UMAD1: variants seen among roughly 807,000 people sequenced by gnomAD.
UMAD1 encodes UBAP1-MVB12-associated (UMA) domain containing 1, also known as UBAP1-MVB12-associated (UMA)-domain containing protein 1.
In UMAD1, 8 loss-of-function variants were observed where a neutral mutation model predicts 6.1. The ratio of observed to expected loss-of-function variants is 1.30; its 90% CI spans 0.76 to 2.35. UMAD1 has a LOEUF of 2.35. Ranked by LOEUF, UMAD1 falls within the 30% of genes most tolerant of loss-of-function variation. The pLI, the probability that UMAD1 is intolerant of heterozygous loss-of-function variation, is 0.00. For synonymous variants in UMAD1, 56 were observed against 31.4 expected, an observed-to-expected ratio of 1.78 and a Z score of -2.61; for missense variants, 130 against 78.4, an observed-to-expected ratio of 1.66 and a Z score of -2.49.
intron 2 of UMAD1, among the ~76,000 whole-genome samples, chr7:7,767,919 G>GA (rs1182732691): frequency 6.6e-6 from 1 of 152,124 alleles, no homozygotes; most frequent in East Asian, 1.9e-4. Context: ...TTCATTCTAG[G>GA]AATTAGCTGT....
intron 2 of UMAD1, among the ~76,000 whole-genome samples, chr7:7,754,910 G>T (rs1219565520): frequency 1.3e-5 from 2 of 151,898 alleles, no homozygotes; most frequent in South Asian, 4.2e-4. Context: ...ACATCTTTTC[G>T]CAGCAACTTA....
intron 2 of UMAD1, among the ~76,000 whole-genome samples, chr7:7,795,956 C>T (rs924205984): frequency 6.6e-6 from 1 of 152,046 alleles, no homozygotes; most frequent in African/African-American, 2.4e-5. Context: ...GGATGTGGCC[C>T]AGCAGGTCTA....
chr7:7,717,063 T>TC (rs1780931011), intron 2 of UMAD1, among the ~76,000 whole-genome samples: 1 of 149,914 alleles, frequency 6.7e-6, no homozygotes, highest in African/African-American at 2.5e-5. Context: ...TTTTTTTCTT[T>TC]TTTTTTTTTT....
chr7:7,818,179 A>G (rs1357964917), intron 3 of UMAD1, among the ~76,000 whole-genome samples: 3 of 151,854 alleles, frequency 2.0e-5, no homozygotes, highest in East Asian at 1.9e-4. Context: ...GTTCCCCTCT[A>G]TGTGTCTGTG....
At chr7:7,805,324 C>T (rs7793050) in intron 3 of UMAD1, among the ~76,000 whole-genome samples, 28,827 of 144,684 alleles carry the variant, frequency 0.2, 3,219 homozygotes, top group South Asian at 0.33. Flanking sequence ...TATCACCACC[C>T]TATATCTATA....
chr7:7,818,837 A>G (rs995353571), intron 3 of UMAD1, among the ~76,000 whole-genome samples: 4 of 152,140 alleles, frequency 2.6e-5, no homozygotes, highest in African/African-American at 7.2e-5. Flanking sequence ...GGGTTTTGCT[A>G]TGTTGCCCAT....
chr7:7,847,101 AAAAATAT>A (rs1328023786), intron 3 of UMAD1, among the ~76,000 whole-genome samples: 8 of 32,172 alleles, frequency 2.5e-4, no homozygotes, highest in Non-Finnish European at 3.4e-4. Context: ...AAAAAAAAAA[AAAAATAT>A]ATATATATAT....
intron 3 of UMAD1, among the ~76,000 whole-genome samples, chr7:7,837,268 G>A (rs1783589204): frequency 6.6e-6 from 1 of 152,058 alleles, no homozygotes; most frequent in African/African-American, 2.4e-5. Flanking sequence ...AAACCTGAGT[G>A]AATATGCAGC....
At chr7:7,676,300 A>G (rs1779737532) in intron 2 of UMAD1, 1 of 395,528 alleles carries the variant, frequency 2.5e-6, no homozygotes. Context: ...GGAATAAATG[A>G]GTTAATGTGT....
chr7:7,822,243 A>T (rs574367776), intron 3 of UMAD1, among the ~76,000 whole-genome samples: 19 of 152,262 alleles, frequency 1.2e-4, no homozygotes, highest in Non-Finnish European at 2.1e-4. Context: ...GTGAAGTCAC[A>T]CTGTATGAAA....
intron 2 of UMAD1, among the ~76,000 whole-genome samples, chr7:7,784,587 C>T (rs1043717064): frequency 2.0e-5 from 3 of 151,584 alleles, no homozygotes; most frequent in Non-Finnish European, 4.4e-5. Context: ...CCTCGTGATC[C>T]GCCCTCCTCG....
chr7:7,715,207 C>T (rs1336866480), intron 2 of UMAD1: 2 of 152,196 alleles, frequency 1.3e-5, no homozygotes, highest in African/African-American at 4.8e-5. Flanking sequence ...GCATTGTCTT[C>T]ACATCCTTTT....
intron 2 of UMAD1, among the ~76,000 whole-genome samples, chr7:7,777,925 G>T (rs1283206865): frequency 6.6e-6 from 1 of 152,028 alleles, no homozygotes; most frequent in Non-Finnish European, 1.5e-5. Context: ...GCTGTGTTAG[G>T]CTTCCTTGCC....
At chr7:7,869,010 T>G (rs1784287192) in intron 3 of UMAD1, among the ~76,000 whole-genome samples, 1 of 152,212 alleles carries the variant, frequency 6.6e-6, no homozygotes, top group African/African-American at 2.4e-5. Flanking sequence ...GCCGTTGCAA[T>G]ATGATTTCTC....
At chr7:7,771,232 A>G (rs1255464026) in intron 2 of UMAD1, among the ~76,000 whole-genome samples, 1 of 152,052 alleles carries the variant, frequency 6.6e-6, no homozygotes, top group East Asian at 1.9e-4. Context: ...ATTACATTGC[A>G]TTATTGACAG....
At chr7:7,644,396 A>G (rs537964868) in intron 1 of UMAD1, among the ~76,000 whole-genome samples, 1 of 150,234 alleles carries the variant, frequency 6.7e-6, no homozygotes, top group Non-Finnish European at 1.5e-5. Context: ...AATATAGTTA[A>G]ACATTTTCCC....
At chr7:7,826,749 T>C (rs570067222) in intron 3 of UMAD1, among the ~76,000 whole-genome samples, 35 of 152,252 alleles carry the variant, frequency 2.3e-4, no homozygotes, top group Non-Finnish European at 3.4e-4. Context: ...TTACATCTCA[T>C]TGACTATATC....
At chr7:7,761,220 G>A (rs556465346) in intron 2 of UMAD1, among the ~76,000 whole-genome samples, 1 of 152,020 alleles carries the variant, frequency 6.6e-6, no homozygotes, top group Non-Finnish European at 1.5e-5. Flanking sequence ...CAAAAAATTA[G>A]CCAATATGGT....
intron 3 of UMAD1, among the ~76,000 whole-genome samples, chr7:7,867,336 A>G (rs1249706874): frequency 9.2e-5 from 14 of 152,262 alleles, no homozygotes; most frequent in Admixed American, 6.5e-5. Flanking sequence ...GGAAGAGTGG[A>G]GCAGTAGGCA....
Sources: gnomAD v4.1 joint callset for allele counts (sites outside exome capture counted in the v4.1 genomes callset) on GRCh38, gnomAD v4.1.1 for gene constraint, MANE v1.5 for transcripts, NCBI Gene and HGNC (gene_info 2026-07-23, HGNC 2026-07-21) for gene names.